Variants in KANK1 observed in about 807,000 individuals in gnomAD.
KANK1 encodes the protein KN motif and ankyrin repeat domain-containing protein 1.
In KANK1, 109 loss-of-function variants were observed where a neutral mutation model predicts 106.2. That is an observed-to-expected ratio of 1.03 (90% CI 0.88 to 1.20). The LOEUF is 1.20. KANK1 is among the 50% of genes most tolerant of loss of function. The pLI is 0.00. For synonymous variants in KANK1, 873 were observed against 652.2 expected, an observed-to-expected ratio of 1.34 and a Z score of -5.16; for missense variants, 2,399 against 1,710.7, an observed-to-expected ratio of 1.40 and a Z score of -7.10.
chr9:589,826 GT>G (rs1374458085), intron 1 of KANK1, among the ~76,000 whole-genome samples: 1 of 152,198 alleles, frequency 6.6e-6, no homozygotes, highest in African/African-American at 2.4e-5. Flanking sequence ...GAGTATCTGT[GT>G]GGGAAATGGG....
At chr9:474,014 T>G in intron 3 of KANK1, among the ~76,000 whole-genome samples, 1 of 152,150 alleles carries the variant, frequency 6.6e-6, no homozygotes, top group East Asian at 1.9e-4. Context: ...AATTTCAACA[T>G]TAGACTCAGC....
At chr9:507,620 G>C (rs867908094) in intron 1 of KANK1, among the ~76,000 whole-genome samples, 4 of 143,474 alleles carry the variant, frequency 2.8e-5, no homozygotes, top group South Asian at 2.3e-4. Context: ...GCAGTGGCGC[G>C]ATCTCAGCTC....
At chr9:561,390 C>T (rs535566403) in intron 1 of KANK1, among the ~76,000 whole-genome samples, 8 of 152,308 alleles carry the variant, frequency 5.3e-5, no homozygotes, top group African/African-American at 1.4e-4. Flanking sequence ...TAGCATCTCT[C>T]TGTATGAGTG....
At chr9:724,663 G>A (rs1038128337) in intron 3 of KANK1, among the ~76,000 whole-genome samples, 4 of 152,082 alleles carry the variant, frequency 2.6e-5, no homozygotes, top group Admixed American at 6.5e-5. Flanking sequence ...ACAGCTGGGC[G>A]TGGTGGCGGG....
intron 3 of KANK1, among the ~76,000 whole-genome samples, chr9:723,195 G>T (rs1347456049): frequency 6.6e-6 from 1 of 152,092 alleles, no homozygotes; most frequent in Admixed American, 6.6e-5. Flanking sequence ...TAAAGTTCCC[G>T]CAGGCAAGAT....
intron 1 of KANK1, among the ~76,000 whole-genome samples, chr9:658,629 A>C (rs1211576782): frequency 6.6e-6 from 1 of 152,038 alleles, no homozygotes; most frequent in East Asian, 1.9e-4. Context: ...TTTTAGATTT[A>C]AGATTCATTT....
chr9:697,760 G>T (rs540322526), intron 2 of KANK1, among the ~76,000 whole-genome samples: 15 of 152,218 alleles, frequency 9.9e-5, no homozygotes, highest in Non-Finnish European at 1.9e-4. Context: ...TTATTTTCAT[G>T]CTCAAATTAT....
chr9:512,898 C>A (rs2059098420), intron 1 of KANK1, among the ~76,000 whole-genome samples: 1 of 152,086 alleles, frequency 6.6e-6, no homozygotes, highest in Non-Finnish European at 1.5e-5. Context: ...ATTATTTTTG[C>A]CTTATTATTT....
upstream of KANK1, among the ~76,000 whole-genome samples, chr9:504,082 C>T (rs2058621249): frequency 2.0e-5 from 3 of 152,130 alleles, no homozygotes. Context: ...GGAAACAGAG[C>T]TCTGCACGCT....
intron 1 of KANK1, among the ~76,000 whole-genome samples, chr9:640,310 T>C (rs1838118854): frequency 1.3e-5 from 2 of 151,768 alleles, no homozygotes; most frequent in Admixed American, 6.6e-5. Context: ...ATCTCGGCTC[T>C]CTGCAGCCTC....
chr9:659,124 C>T (rs10975610), intron 1 of KANK1, among the ~76,000 whole-genome samples: 37,863 of 152,190 alleles, frequency 0.25, 5,825 homozygotes, highest in South Asian at 0.45. Flanking sequence ...ATTTTGTTCA[C>T]CACTGTAGTG....
chr9:633,331 G>A (rs148673360), intron 1 of KANK1, among the ~76,000 whole-genome samples: 8,822 of 152,018 alleles, frequency 0.058, 700 homozygotes, highest in East Asian at 0.24. Context: ...GGTGGCGGGC[G>A]CCTGTAGTCC....
In KANK1 at chr9:497,859, C is replaced by CA. The variant is rs1554721481; in HGVS notation, c.-362+24586_-362+24587insA. Among the ~76,000 whole-genome samples, 957 of 144,434 alleles carry CA rather than the reference C, an allele frequency of 6.6e-3. 8 individuals are homozygous for CA. The highest frequency in any genetic ancestry group is 0.023 in the African/African-American group (795 of 35,134). 94.8% of individuals were successfully genotyped at this position (144,434 alleles called of 152,430 possible). On this transcript the variant is annotated intron_variant, in intron 3 of 15. Transcript: ENST00000382303. ...CAGAGTGAGACCCTGTATTAACCCC[C>CA]CACACACACACACCCACACACACAA...
intron 9 of KANK1, 75 bp downstream of exon 9, chr9:741,009 G>C: frequency 6.5e-7 from 1 of 1,538,630 alleles, no homozygotes; most frequent in East Asian, 2.3e-5. Flanking sequence ...CATTCTGGCA[G>C]AGCAGGCATA....
intron 10 of KANK1, among the ~76,000 whole-genome samples, chr9:743,392 G>C (rs1836222757): frequency 1.3e-5 from 2 of 152,214 alleles, no homozygotes; most frequent in Non-Finnish European, 2.9e-5. Flanking sequence ...CTTCCCCTCT[G>C]TGGGAGGGAG....
rs1452012693 is a variant in KANK1 at position 683,526 on chromosome 9, G to T, written c.37+6517G>T. The stretch of plus-strand genomic sequence containing the variant: ...AATGACTAAGCCAGAAGTTGGACAT[G>T]GAGAACATTTTTCCTTTGTTCAAGG... On this transcript the variant is annotated intron_variant, in intron 2 of 11. Coordinates refer to ENST00000382297, the MANE Select transcript of KANK1 (RefSeq NM_015158.5). Among the ~76,000 whole-genome samples, 3 of 152,308 alleles carry T rather than the reference G, an allele frequency of 2.0e-5. No homozygotes were observed. In the East Asian group the frequency reaches 5.8e-4, roughly 29 times the overall value.
intron 2 of KANK1, among the ~76,000 whole-genome samples, chr9:682,348 GAATTACTCAA>G (rs1398233582): frequency 2.0e-5 from 3 of 151,540 alleles, no homozygotes; most frequent in African/African-American, 7.3e-5. Context: ...CAGAAGAGAA[GAATTACTCAA>G]AATTCCACAC....
At chr9:630,948 C>T (rs1009259389) in intron 1 of KANK1, among the ~76,000 whole-genome samples, 5 of 140,354 alleles carry the variant, frequency 3.6e-5, no homozygotes, top group Admixed American at 2.1e-4. Flanking sequence ...GAGCAAGACT[C>T]TGTCTCAAAA....
rs750427993 is a variant in KANK1, at chr9:732,486, G to C, written c.3114G>C (p.Glu1038Asp). Residue 1038 changes from glutamate (E) to aspartate (D), a missense_variant, in exon 6 of 12, where the codon GAG (glutamate) becomes GAC (aspartate). Physicochemically the swap from Glu to Asp is conservative, Grantham distance 45. Coordinates refer to ENST00000382297, the MANE Select transcript of KANK1 (RefSeq NM_015158.5). ...ATCCTCTTGAAGAAGAGGAGGAGGA[G>C]GAGGATGAAGACACTCGGGGAATGG... Reference protein sequence around the residue: ...IEYPLEEEEEEEDEDTRGMAE... With the variant: ...IEYPLEEEEEDEDEDTRGMAE... 8 of 1,614,030 alleles carry C rather than the reference G, an allele frequency of 5.0e-6. No individual in the cohort carries two copies. The highest frequency in any genetic ancestry group is 6.8e-6 in the Non-Finnish European group (8 of 1,180,038).
Sources: allele counts gnomAD v4.1 joint callset (sites outside exome capture counted in the v4.1 genomes callset), GRCh38; gene constraint gnomAD v4.1.1; transcripts MANE v1.5; gene names NCBI Gene and HGNC (gene_info 2026-07-23, HGNC 2026-07-21).